The following MED24 variants were observed in gnomAD, a reference collection of about 807,000 sequenced individuals.
MED24 encodes mediator of RNA polymerase II transcription subunit 24.
A neutral mutation model predicts 118.8 loss-of-function variants in MED24; 74 were observed. The observed-to-expected ratio is 0.62, with a 90% CI of 0.52 to 0.76. The LOEUF (loss-of-function observed/expected upper bound fraction) is 0.76. Ranked by LOEUF, MED24 falls within the 30% of genes least tolerant of loss-of-function variation. The probability of loss-of-function intolerance (pLI) is 0.00; values close to 1 mark genes in which losing one functional copy is unlikely to be tolerated. For synonymous variants in MED24, 521 were observed against 523.9 expected, an observed-to-expected ratio of 0.99 and a Z score of 0.08; for missense variants, 1,041 against 1,278.9, an observed-to-expected ratio of 0.81 and a Z score of 2.84.
chr17:40,035,446 G>T, intron 5 of MED24, 97 bp from the exon 6 acceptor site: 1 of 1,297,410 alleles, frequency 7.7e-7, no homozygotes. Context: ...CCCCTACTAG[G>T]GACTAGGGCT....
Position 40,026,764 on chromosome 17 carries a change from A to G in MED24, c.1710-18T>C. 6.2e-7 allele frequency: 1 copy of G among 1,611,198 alleles called. No homozygotes were observed. Among genetic ancestry groups the G allele is most frequent in the African/African-American group, 1.3e-5 (1 of 74,974 alleles). On this transcript the variant is annotated intron_variant, in intron 17 of 25. Transcript: ENST00000394128. ...TCATCTGCCTGCGGGTGTGCAGAGA[A>G]GTCAGCACAGGGGAGCAAGGAACGG...
At chr17:40,046,538 G>A (rs1283572115) in intron 3 of MED24, among the ~76,000 whole-genome samples, 1 of 148,960 alleles carries the variant, frequency 6.7e-6, no homozygotes, top group Non-Finnish European at 1.5e-5. Flanking sequence ...GAGGTCAGGA[G>A]ATCGAGACCA....
Position 40,023,271 on chromosome 17 carries a change from T to A in MED24, c.2110A>T (p.Lys704Ter). ...GTCAGCACCTCTTTGATGGGCCGCT[T>A]GGGGGGCAGCAGGTTCCAGTAGGGC... ...TMPYWNLLPP[K>*]RPIKEVLTDI... Residue 704 changes from lysine to a stop codon, truncating the protein, a stop_gained, in exon 20 of 26, where the codon AAG becomes TAG. Transcript: ENST00000394128. LOFTEE classifies it high-confidence loss of function. 1 of 1,614,054 alleles carries A rather than the reference T, an allele frequency of 6.2e-7. No homozygotes were observed. Among genetic ancestry groups the A allele is most frequent in the Non-Finnish European group, 8.5e-7 (1 of 1,179,992 alleles).
chr17:40,045,762 C>T (rs369831234), intron 3 of MED24, among the ~76,000 whole-genome samples: 3 of 152,276 alleles, frequency 2.0e-5, no homozygotes, highest in East Asian at 3.9e-4. Flanking sequence ...GGCAACAAAG[C>T]AAGGATCCTG....
chr17:40,043,043 G>A (rs965417026), intron 3 of MED24, among the ~76,000 whole-genome samples: 5 of 152,142 alleles, frequency 3.3e-5, no homozygotes, highest in African/African-American at 9.7e-5. Flanking sequence ...GTGCGCCTCC[G>A]CGGTTCAAAG....
chr17:40,032,564 G>A (rs1983512535), intron 9 of MED24, 85 bp downstream of exon 9: 2 of 1,057,442 alleles, frequency 1.9e-6, no homozygotes, highest in South Asian at 1.5e-5. Flanking sequence ...CCGCAGGGAG[G>A]AACACAGGGC....
chr17:40,044,271 G>A lies in MED24; in HGVS notation c.214-8117C>T, dbSNP rs536069783. On this transcript the variant is annotated intron_variant, in intron 3 of 25. Transcript: ENST00000394128. The stretch of plus-strand genomic sequence containing the variant: ...GCAGTGGCTTACGCCTGTAATCCCA[G>A]CACTTTGGGAGTCCAAGGCGGGTGG... Among the ~76,000 whole-genome samples the A allele has an allele frequency of 2.6e-5, 4 of 152,172 alleles. No individual in the cohort carries two copies. In the South Asian group the frequency reaches 6.2e-4, roughly 24 times the overall value.
intron 6 of MED24, chr17:40,034,898 A>G (rs774586854): frequency 4.2e-5 from 44 of 1,059,254 alleles, no homozygotes; most frequent in Non-Finnish European, 5.4e-5. Flanking sequence ...TGGGTATACA[A>G]CAATGCTCAG....
Position 40,020,176 on chromosome 17 carries a change from C to A in MED24, c.2704+97G>T. The A allele has an allele frequency of 3.2e-6, 4 of 1,266,372 alleles. No individual in the cohort carries two copies. The South Asian group carries it at 6.0e-5, about 19-fold the overall frequency. 78.4% of individuals were successfully genotyped at this position (1,266,372 alleles called of 1,614,324 possible). A position where few individuals can be genotyped will look rare whatever the true frequency, so the allele number is the denominator to read the frequency against. On this transcript the variant is annotated intron_variant, in intron 24 of 25. Transcript: ENST00000394128. ...ATGGAGAGGGAAGGGAGGGGCACCG[C>A]AAGGCCCCTTCCAGCTGACAAGGTC...
chr17:40,019,203 C>CACACAT lies in MED24; in HGVS notation c.*325_*326insATGTGT, dbSNP rs371196849. ...ACACACACACACACACACACACACACATACACACTTTGCATCTAGAAAGTT... is the reference window on the plus strand; with the variant it reads ...ACACACACACACACACACACACACACACACATATACACACTTTGCATCTAGAAAGTT... On this transcript the variant is annotated 3_prime_UTR_variant, in exon 26 of 26. Transcript: ENST00000394128. The CACACAT allele has an allele frequency of 0.036, 10,702 of 300,770 alleles. 477 individuals are homozygous for CACACAT. The highest frequency in any genetic ancestry group is 0.091 in the African/African-American group (4,141 of 45,458). 18.6% of individuals were successfully genotyped at this position (300,770 alleles called of 1,614,324 possible). A position where few individuals can be genotyped will look rare whatever the true frequency, so the allele number is the denominator to read the frequency against.
chr17:40,044,582 A>G (rs1190892896), intron 3 of MED24, among the ~76,000 whole-genome samples: 3 of 151,346 alleles, frequency 2.0e-5, no homozygotes, highest in African/African-American at 7.3e-5. Flanking sequence ...GCCTCTGGAA[A>G]AAGTTTTAAA....
chr17:40,053,661 A>G, intron 1 of MED24, 26 bp from the exon 2 acceptor site: 1 of 1,612,292 alleles, frequency 6.2e-7, no homozygotes, highest in Admixed American at 1.7e-5. Flanking sequence ...AATGGAGCTA[A>G]AGAAAAGGAC....
At chr17:40,035,048 C>T in intron 6 of MED24, 69 bp downstream of exon 6, 1 of 1,610,298 alleles carries the variant, frequency 6.2e-7, no homozygotes, top group South Asian at 1.1e-5. Context: ...TCCTGCCTCT[C>T]CCTTCTCAAT....
intron 24 of MED24, 146 bp downstream of exon 24, chr17:40,020,127 C>G: frequency 9.7e-7 from 1 of 1,029,998 alleles, no homozygotes; most frequent in South Asian, 1.6e-5. Flanking sequence ...AGCCTGGGGG[C>G]CAGGACAGCC....
Position 40,019,132 on chromosome 17 carries a change from T to A in MED24, c.*397A>T, listed in dbSNP as rs1269436945. 5.7e-6 allele frequency: 1 copy of A among 174,372 alleles called. No homozygotes were observed. The highest frequency in any genetic ancestry group is 1.2e-5 in the Non-Finnish European group (1 of 81,918). The allele number at this position is 174,372 out of a possible 1,614,324, so 10.8% of individuals were successfully genotyped here. On this transcript the variant is annotated 3_prime_UTR_variant, in exon 26 of 26. Transcript: ENST00000394128. ...AGCCACGAGGAGCTTTATTTATACA[T>A]GAACGAAGGTAGATTTCCCTCACAT...
intron 19 of MED24, among the ~76,000 whole-genome samples, chr17:40,025,254 G>C (rs1982507719): frequency 6.6e-6 from 1 of 152,172 alleles, no homozygotes. Context: ...ACCACGGTGA[G>C]AGGATCACTC....
At chr17:40,024,947 G>A (rs1982471422) in intron 19 of MED24, among the ~76,000 whole-genome samples, 1 of 152,210 alleles carries the variant, frequency 6.6e-6, no homozygotes, top group Non-Finnish European at 1.5e-5. Context: ...TGTTGGTCAG[G>A]CTGGCCTTAA....
intron 3 of MED24, among the ~76,000 whole-genome samples, chr17:40,037,802 T>C (rs1984118961): frequency 6.6e-6 from 1 of 150,978 alleles, no homozygotes; most frequent in East Asian, 1.9e-4. Context: ...TCCCAGCTAC[T>C]AGGGAGGCTG....
At chr17:40,028,708 T>C in intron 14 of MED24, 118 bp downstream of exon 14, 1 of 1,419,204 alleles carries the variant, frequency 7.0e-7, no homozygotes. Flanking sequence ...ATGCTCTGCC[T>C]AGGCCCGTGG....
Sources: gnomAD v4.1 joint callset for allele counts (sites outside exome capture counted in the v4.1 genomes callset) on GRCh38, gnomAD v4.1.1 for gene constraint, MANE v1.5 for transcripts, NCBI Gene and HGNC (gene_info 2026-07-23, HGNC 2026-07-21) for gene names.